Variants in LRP1B observed in about 807,000 individuals in gnomAD.
LRP1B encodes LDL receptor related protein 1B.
A neutral mutation model predicts 556.6 loss-of-function variants in LRP1B; 217 were observed. The ratio of observed to expected loss-of-function variants is 0.39; its 90% CI spans 0.35 to 0.44. The LOEUF is 0.44. Ranked by LOEUF, LRP1B falls within the 20% of genes least tolerant of loss-of-function variation. The pLI is 1.00. For synonymous variants in LRP1B, 2,047 were observed against 1,865.8 expected, an observed-to-expected ratio of 1.10 and a Z score of -2.50; for missense variants, 5,053 against 5,620.8, an observed-to-expected ratio of 0.90 and a Z score of 3.23.
intron 21 of LRP1B, among the ~76,000 whole-genome samples, chr2:140,921,505 A>G (rs1234143799): frequency 1.3e-5 from 2 of 152,000 alleles, no homozygotes; most frequent in Non-Finnish European, 2.9e-5. Flanking sequence ...CCCCTATTAA[A>G]TGAAATCTAT....
intron 18 of LRP1B, among the ~76,000 whole-genome samples, chr2:140,957,374 G>C (rs942037650): frequency 2.0e-5 from 3 of 151,450 alleles, no homozygotes; most frequent in African/African-American, 4.8e-5. Flanking sequence ...GTTGCAATAA[G>C]GTATAAGATA....
At chr2:142,110,940 T>C (rs1706965347) in intron 1 of LRP1B, among the ~76,000 whole-genome samples, 1 of 152,170 alleles carries the variant, frequency 6.6e-6, no homozygotes, top group Non-Finnish European at 1.5e-5. Context: ...AAGGCAACTT[T>C]GGACAAATGC....
intron 7 of LRP1B, among the ~76,000 whole-genome samples, chr2:141,080,570 C>T (rs1179547575): frequency 6.6e-6 from 1 of 152,132 alleles, no homozygotes; most frequent in African/African-American, 2.4e-5. Flanking sequence ...TCAGAGACAG[C>T]TATTTATTTT....
At chr2:140,940,413 A>G (rs1300852734) in intron 20 of LRP1B, among the ~76,000 whole-genome samples, 1 of 152,168 alleles carries the variant, frequency 6.6e-6, no homozygotes, top group African/African-American at 2.4e-5. Flanking sequence ...TATTTAATAG[A>G]TGTGATGTAT....
At chr2:141,160,474 G>A (rs1357740694) in intron 7 of LRP1B, among the ~76,000 whole-genome samples, 1 of 152,086 alleles carries the variant, frequency 6.6e-6, no homozygotes, top group Non-Finnish European at 1.5e-5. Context: ...TAGCAGGTTT[G>A]TAACAGCCCC....
At chr2:140,359,191 T>C (rs1290220590) in intron 72 of LRP1B, among the ~76,000 whole-genome samples, 2 of 151,678 alleles carry the variant, frequency 1.3e-5, no homozygotes, top group Non-Finnish European at 3.0e-5. Flanking sequence ...CTGTATGGTC[T>C]CATTCCCAGA....
chr2:141,742,602 G>A (rs1362657534), intron 2 of LRP1B, among the ~76,000 whole-genome samples: 2 of 151,976 alleles, frequency 1.3e-5, no homozygotes, highest in African/African-American at 4.8e-5. Flanking sequence ...GCTATTTTGA[G>A]TCTTTTGTGA....
chr2:140,898,822 G>A (rs757038639), intron 23 of LRP1B: 3 of 500,276 alleles, frequency 6.0e-6, no homozygotes, highest in East Asian at 5.5e-5. Flanking sequence ...GCCACCGGAT[G>A]TGGTGGATCT....
At chr2:140,348,081 G>T (rs1681775784) in intron 77 of LRP1B, among the ~76,000 whole-genome samples, 1 of 151,890 alleles carries the variant, frequency 6.6e-6, no homozygotes, top group African/African-American at 2.4e-5. Flanking sequence ...ACATCTTTTG[G>T]AAATCAAATA....
At chr2:140,669,232 T>C (rs1053237850) in intron 41 of LRP1B, among the ~76,000 whole-genome samples, 5 of 152,092 alleles carry the variant, frequency 3.3e-5, no homozygotes, top group Admixed American at 3.3e-4. Context: ...CTTATAGGGA[T>C]ATAAAAAAAA....
At chr2:141,302,441 A>T (rs1301791756) in intron 3 of LRP1B, among the ~76,000 whole-genome samples, 2 of 152,100 alleles carry the variant, frequency 1.3e-5, no homozygotes, top group African/African-American at 2.4e-5. Flanking sequence ...CTAACTGCTC[A>T]CTTCAGTTAC....
At chr2:140,523,806 T>C (rs1690293800) in intron 49 of LRP1B, among the ~76,000 whole-genome samples, 1 of 151,920 alleles carries the variant, frequency 6.6e-6, no homozygotes, top group Non-Finnish European at 1.5e-5. Context: ...CCTCTTATCA[T>C]ATTCAAAAAT....
chr2:140,235,358 AT>A (rs1461970778), intron 89 of LRP1B, among the ~76,000 whole-genome samples: 17 of 106,588 alleles, frequency 1.6e-4, no homozygotes, highest in South Asian at 8.7e-4. Flanking sequence ...GTTCTACAAA[AT>A]TTTTCTTCAC....
chr2:141,237,896 T>C (rs1683704051), intron 5 of LRP1B, among the ~76,000 whole-genome samples: 1 of 152,154 alleles, frequency 6.6e-6, no homozygotes, highest in Admixed American at 6.6e-5. Flanking sequence ...GGCAAGTGTT[T>C]AGTACATGAA....
intron 1 of LRP1B, among the ~76,000 whole-genome samples, chr2:142,015,536 C>G (rs1291510569): frequency 1.3e-5 from 2 of 152,108 alleles, no homozygotes; most frequent in Non-Finnish European, 2.9e-5. Flanking sequence ...TCTAATTAAA[C>G]GAAAGAGCTT....
At chr2:141,198,495 C>T (rs1401310) in intron 6 of LRP1B, among the ~76,000 whole-genome samples, 58,896 of 151,946 alleles carry the variant, frequency 0.39, 11,884 homozygotes, top group East Asian at 0.71. Context: ...AGAACCTGTG[C>T]ATGTCTTTCT....
intron 3 of LRP1B, among the ~76,000 whole-genome samples, chr2:141,393,399 C>G (rs1481443159): frequency 6.6e-6 from 1 of 152,090 alleles, no homozygotes; most frequent in African/African-American, 2.4e-5. Flanking sequence ...TCTTAGCTTC[C>G]CCTGCTTAAA....
At chr2:140,511,894 T>G (rs6430905) in intron 51 of LRP1B, among the ~76,000 whole-genome samples, 107,875 of 151,984 alleles carry the variant, frequency 0.71, 38,786 homozygotes, top group Middle Eastern at 0.82. Context: ...ATTTTTATAT[T>G]ATTCCTCCTT....
intron 87 of LRP1B, 119 bp from the exon 88 acceptor site, chr2:140,239,651 A>G: frequency 1.9e-6 from 1 of 540,480 alleles, no homozygotes; most frequent in Non-Finnish European, 3.2e-6. Context: ...GCTTAGCCCA[A>G]ATGTTTATAT....
Sources: gnomAD v4.1 joint callset for allele counts (sites outside exome capture counted in the v4.1 genomes callset) on GRCh38, gnomAD v4.1.1 for gene constraint, MANE v1.5 for transcripts, NCBI Gene and HGNC (gene_info 2026-07-23, HGNC 2026-07-21) for gene names.